NBEA: variants seen among roughly 807,000 people sequenced by gnomAD.
NBEA encodes lysosomal-trafficking regulator 2.
A neutral mutation model predicts 343.4 loss-of-function variants in NBEA; 44 were observed. That is an observed-to-expected ratio of 0.13 (90% CI 0.10 to 0.16). The LOEUF is 0.16. Among genes scored for constraint, NBEA ranks in the 10% least tolerant of loss-of-function variants. NBEA has a pLI of 1.00. For synonymous variants in NBEA, 1,175 were observed against 1,238.7 expected (o/e 0.95, Z 1.08); for missense variants, 2,555 against 3,631.3 (o/e 0.70, Z 7.62).
intron 48 of NBEA, 69 bp downstream of exon 48, chr13:35,606,647 C>G: frequency 7.6e-7 from 1 of 1,318,922 alleles, no homozygotes; most frequent in South Asian, 2.1e-5. Context: ...TTTGTTTTGT[C>G]CTGTTCTTTA....
intron 35 of NBEA, 41 bp from the exon 36 acceptor site, chr13:35,309,487 G>C (rs1336055785): frequency 8.6e-7 from 1 of 1,159,890 alleles, no homozygotes; most frequent in Non-Finnish European, 1.3e-6. Context: ...CTTTCATTAA[G>C]TGTTCACTTT....
At chr13:35,191,385 C>A (rs1344338084) in intron 30 of NBEA, among the ~76,000 whole-genome samples, 1 of 152,050 alleles carries the variant, frequency 6.6e-6, no homozygotes, top group African/African-American at 2.4e-5. Context: ...ATTTTCTTGG[C>A]TCTTAATTTT....
chr13:35,390,564 G>A (rs1009870448), intron 38 of NBEA, among the ~76,000 whole-genome samples: 3 of 152,150 alleles, frequency 2.0e-5, no homozygotes, highest in African/African-American at 7.2e-5. Context: ...CTAGGTAGAA[G>A]ACTCAAGTTC....
intron 13 of NBEA, among the ~76,000 whole-genome samples, chr13:35,115,294 G>C (rs894614944): frequency 6.5e-4 from 98 of 151,808 alleles, no homozygotes; most frequent in African/African-American, 2.3e-3. Flanking sequence ...ACACAAAGTG[G>C]TATAATTACA....
chr13:35,097,253 T>G (rs574842729), intron 10 of NBEA, among the ~76,000 whole-genome samples: 6 of 151,840 alleles, frequency 4.0e-5, no homozygotes, highest in Non-Finnish European at 8.9e-5. Context: ...CCTTTTGGGC[T>G]TTAATAATTT....
chr13:35,228,129 A>G (rs1593838522), intron 33 of NBEA, among the ~76,000 whole-genome samples: 1 of 152,202 alleles, frequency 6.6e-6, no homozygotes, highest in East Asian at 1.9e-4. Context: ...CTTAGAATTA[A>G]GTGTGAATGA....
At chr13:35,274,541 G>A (rs2034437775) in intron 34 of NBEA, among the ~76,000 whole-genome samples, 1 of 152,126 alleles carries the variant, frequency 6.6e-6, no homozygotes. Flanking sequence ...AAGAAATAAA[G>A]CATATTCAGT....
At chr13:35,615,147 A>AAAAAAAAAAAC (rs2082682961) in intron 48 of NBEA, among the ~76,000 whole-genome samples, 1 of 150,656 alleles carries the variant, frequency 6.6e-6, no homozygotes, top group Non-Finnish European at 1.5e-5. Flanking sequence ...AAAAAAACAA[A>AAAAAAAAAAAC]AAAAAATTAA....
intron 31 of NBEA, among the ~76,000 whole-genome samples, chr13:35,206,298 G>T (rs1258287489): frequency 1.3e-5 from 2 of 152,022 alleles, no homozygotes; most frequent in Non-Finnish European, 2.9e-5. Flanking sequence ...GAAATTTATA[G>T]TAATAGTTTT....
intron 1 of NBEA, among the ~76,000 whole-genome samples, chr13:35,010,485 G>A (rs552142748): frequency 1.4e-4 from 21 of 149,416 alleles, no homozygotes; most frequent in African/African-American, 5.2e-4. Context: ...GGAGGCTGAG[G>A]TGGGAGGATC....
At chr13:35,115,000 G>A (rs1386007234) in intron 13 of NBEA, among the ~76,000 whole-genome samples, 1 of 151,998 alleles carries the variant, frequency 6.6e-6, no homozygotes, top group Non-Finnish European at 1.5e-5. Context: ...GGATATTTTT[G>A]CTTTAACTGT....
At chr13:35,550,713 A>G in intron 42 of NBEA, 119 bp downstream of exon 42, 1 of 695,956 alleles carries the variant, frequency 1.4e-6, no homozygotes, top group Non-Finnish European at 2.4e-6. Flanking sequence ...AGCTTAAACA[A>G]ACAGAAATTC....
At chr13:35,038,025 C>A (rs1593543836) in intron 1 of NBEA, among the ~76,000 whole-genome samples, 1 of 152,146 alleles carries the variant, frequency 6.6e-6, no homozygotes, top group African/African-American at 2.4e-5. Context: ...TAGAAATCTA[C>A]CTGGCATTCT....
At chr13:35,551,713 T>C (rs1408738203) in intron 43 of NBEA, among the ~76,000 whole-genome samples, 1 of 85,340 alleles carries the variant, frequency 1.2e-5, no homozygotes, top group East Asian at 2.7e-4. Flanking sequence ...GCTGCCAGTA[T>C]TGGTTCAGAG....
intron 41 of NBEA, among the ~76,000 whole-genome samples, chr13:35,496,852 C>T (rs1459589754): frequency 6.6e-6 from 1 of 151,948 alleles, no homozygotes; most frequent in Non-Finnish European, 1.5e-5. Flanking sequence ...CAGGACATCT[C>T]ATGTCTTTCT....
At chr13:35,560,916 A>T (rs1316560558) in intron 44 of NBEA, among the ~76,000 whole-genome samples, 3 of 150,678 alleles carry the variant, frequency 2.0e-5, no homozygotes, top group Non-Finnish European at 4.4e-5. Flanking sequence ...CCAAAGCAGG[A>T]TTGCTAAAAC....
intron 36 of NBEA, among the ~76,000 whole-genome samples, chr13:35,319,370 G>A (rs2037975655): frequency 6.6e-6 from 1 of 152,124 alleles, no homozygotes; most frequent in Admixed American, 6.6e-5. Context: ...TAGTCATTCA[G>A]GAGCAGGTTT....
intron 33 of NBEA, among the ~76,000 whole-genome samples, chr13:35,231,274 G>A (rs2074957049): frequency 6.6e-6 from 1 of 152,016 alleles, no homozygotes; most frequent in African/African-American, 2.4e-5. Flanking sequence ...GAAGTCATCC[G>A]ATATTATTCT....
chr13:35,554,247 A>G (rs184132700), intron 43 of NBEA, among the ~76,000 whole-genome samples: 162 of 152,314 alleles, frequency 1.1e-3, no homozygotes, highest in African/African-American at 3.7e-3. Context: ...ACTATGAAAA[A>G]TTATGGAGAT....
Sources: gnomAD v4.1 joint callset for allele counts (sites outside exome capture counted in the v4.1 genomes callset) on GRCh38, gnomAD v4.1.1 for gene constraint, MANE v1.5 for transcripts, NCBI Gene and HGNC (gene_info 2026-07-23, HGNC 2026-07-21) for gene names.